TPTE: variants seen among roughly 807,000 people sequenced by gnomAD.
The protein encoded by TPTE is transmembrane phosphatase with tensin homology, also known as putative tyrosine-protein phosphatase TPTE.
Under a neutral mutation model 84.1 loss-of-function variants are expected in TPTE, and 59 were observed. The observed-to-expected ratio is 0.70, with a 90% confidence interval of 0.57 to 0.87. The LOEUF (loss-of-function observed/expected upper bound fraction) is 0.87. Among genes scored for constraint, TPTE ranks in the 40% least tolerant of loss-of-function variants. The pLI, the probability that TPTE is intolerant of heterozygous loss-of-function variation, is 0.00. For synonymous variants in TPTE, 130 were observed against 223.5 expected (o/e 0.58, Z 3.73); for missense variants, 382 against 659.6 (o/e 0.58, Z 4.61).
intron 3 of TPTE, among the ~76,000 whole-genome samples, chr21:10,529,848 C>G (rs1186232293): frequency 6.6e-6 from 1 of 152,308 alleles, no homozygotes; most frequent in Non-Finnish European, 1.5e-5. Context: ...AACTTTCATG[C>G]CCTAGTTTTA....
At chr21:10,558,156 T>C (rs1008878773) in intron 8 of TPTE, among the ~76,000 whole-genome samples, 5 of 152,310 alleles carry the variant, frequency 3.3e-5, no homozygotes, top group Middle Eastern at 3.2e-3. Flanking sequence ...AATCTGTCAT[T>C]GATGGGTACC....
At chr21:10,588,440 G>A (rs1273073730) in intron 17 of TPTE, among the ~76,000 whole-genome samples, 2 of 152,310 alleles carry the variant, frequency 1.3e-5, no homozygotes, top group African/African-American at 2.4e-5. Context: ...AGTGCCTTTA[G>A]GGCTTTTTCT....
chr21:10,581,432 T>A (rs1452660738), intron 17 of TPTE, among the ~76,000 whole-genome samples: 1 of 152,310 alleles, frequency 6.6e-6, no homozygotes, highest in Non-Finnish European at 1.5e-5. Flanking sequence ...TTTACATTAT[T>A]CTGTGTTCAC....
chr21:10,576,023 C>A (rs887238894), intron 14 of TPTE, among the ~76,000 whole-genome samples: 1 of 152,312 alleles, frequency 6.6e-6, no homozygotes, highest in African/African-American at 2.4e-5. Flanking sequence ...GTGGCAATTC[C>A]TCAAAGACCT....
chr21:10,552,086 A>G (rs1334550766), intron 7 of TPTE, among the ~76,000 whole-genome samples: 1 of 152,302 alleles, frequency 6.6e-6, no homozygotes, highest in Non-Finnish European at 1.5e-5. Context: ...AGCCATGAAC[A>G]TGGAGGCAAC....
At chr21:10,589,915 T>TA (rs1331852402) in intron 17 of TPTE, among the ~76,000 whole-genome samples, 1 of 152,312 alleles carries the variant, frequency 6.6e-6, no homozygotes, top group Non-Finnish European at 1.5e-5. Context: ...GCAGGCATGC[T>TA]AAAAGCCTGT....
chr21:10,547,304 G>A (rs1300561318), intron 7 of TPTE, among the ~76,000 whole-genome samples: 2 of 152,306 alleles, frequency 1.3e-5, no homozygotes, highest in Admixed American at 6.5e-5. Flanking sequence ...CAGCAAAGGA[G>A]TGGAGACACA....
intron 17 of TPTE, among the ~76,000 whole-genome samples, chr21:10,580,113 T>C (rs1274088740): frequency 6.6e-6 from 1 of 152,306 alleles, no homozygotes; most frequent in East Asian, 1.9e-4. Flanking sequence ...TAATGATGTT[T>C]AGCATTTTCT....
intron 3 of TPTE, among the ~76,000 whole-genome samples, chr21:10,533,118 C>CT: frequency 6.6e-6 from 1 of 152,306 alleles, no homozygotes; most frequent in African/African-American, 2.4e-5. Context: ...TCCTCCATAA[C>CT]ATTCTTCTTT....
intron 1 of TPTE, among the ~76,000 whole-genome samples, chr21:10,522,855 A>G (rs1267029620): frequency 3.9e-5 from 6 of 152,304 alleles, no homozygotes; most frequent in Non-Finnish European, 8.8e-5. Flanking sequence ...TTAAACATTT[A>G]CCATGTCTTT....
chr21:10,533,868 C>T (rs1471964641), intron 3 of TPTE, among the ~76,000 whole-genome samples: 68 of 152,378 alleles, frequency 4.5e-4, no homozygotes, highest in African/African-American at 1.5e-3. Context: ...GCTTTTAGAA[C>T]GAGAACAAGT....
intron 7 of TPTE, among the ~76,000 whole-genome samples, chr21:10,546,767 C>T (rs943001840): frequency 3.9e-5 from 6 of 152,310 alleles, no homozygotes; most frequent in Admixed American, 1.3e-4. Flanking sequence ...CTCTTTGATT[C>T]AGTGAAGCCT....
chr21:10,541,037 G>A, intron 4 of TPTE, 75 bp from the exon 5 acceptor site: 1 of 1,596,464 alleles, frequency 6.3e-7, no homozygotes, highest in East Asian at 2.2e-5. Context: ...ATGACACATA[G>A]ACTAACTGTA....
chr21:10,526,293 T>G (rs1037845193), intron 2 of TPTE, among the ~76,000 whole-genome samples: 2 of 152,310 alleles, frequency 1.3e-5, no homozygotes, highest in African/African-American at 2.4e-5. Context: ...ACTCTGGCAC[T>G]CCTTTCCTCA....
chr21:10,533,957 TTGTTTACAAC>T (rs1391345252), intron 3 of TPTE, among the ~76,000 whole-genome samples: 16 of 152,310 alleles, frequency 1.1e-4, no homozygotes, highest in African/African-American at 3.9e-4. Flanking sequence ...AACAGCTTTG[TTGTTTACAAC>T]TGGTTACAGC....
intron 14 of TPTE, among the ~76,000 whole-genome samples, chr21:10,571,028 C>A (rs1271652606): frequency 2.0e-5 from 3 of 152,246 alleles, no homozygotes; most frequent in African/African-American, 7.2e-5. Context: ...AGCAGAGCCA[C>A]CATTTGCCTC....
intron 10 of TPTE, among the ~76,000 whole-genome samples, chr21:10,566,731 C>G (rs1258288737): frequency 6.6e-6 from 1 of 152,306 alleles, no homozygotes; most frequent in African/African-American, 2.4e-5. Context: ...AATCACAGCA[C>G]TTTGGGAGGC....
chr21:10,592,535 C>T (rs1159525537), intron 19 of TPTE, among the ~76,000 whole-genome samples, 162 bp downstream of exon 19: 1 of 152,420 alleles, frequency 6.6e-6, no homozygotes. Flanking sequence ...GAGGGTCACG[C>T]TTCAGGTGCT....
At chr21:10,604,091 A>C (rs1451669549) in intron 23 of TPTE, among the ~76,000 whole-genome samples, 1 of 152,306 alleles carries the variant, frequency 6.6e-6, no homozygotes, top group African/African-American at 2.4e-5. Flanking sequence ...AGGAGAAGTC[A>C]CAAGACACAG....
Sources: allele counts gnomAD v4.1 joint callset (sites outside exome capture counted in the v4.1 genomes callset), GRCh38; gene constraint gnomAD v4.1.1; transcripts MANE v1.5; gene names NCBI Gene and HGNC (gene_info 2026-07-23, HGNC 2026-07-21).